ITGA11: variants seen among roughly 807,000 people sequenced by gnomAD.
ITGA11 encodes integrin subunit alpha 11, also known as integrin alpha-11.
Under a neutral mutation model 141.9 loss-of-function variants are expected in ITGA11, and 97 were observed. The observed-to-expected ratio is 0.68, with a 90% CI of 0.58 to 0.81. ITGA11 has a LOEUF of 0.81. ITGA11 is among the 30% of genes least tolerant of loss of function. ITGA11 has a pLI of 0.00. For missense variants in ITGA11, 1,387 were observed against 1,559.2 expected (o/e 0.89, Z 1.86); for synonymous variants, 658 against 624.6 (o/e 1.05, Z -0.80).
intron 3 of ITGA11, among the ~76,000 whole-genome samples, 199 bp downstream of exon 3, chr15:68,368,985 G>A (rs1319312508): frequency 6.6e-6 from 1 of 151,744 alleles, no homozygotes; most frequent in Non-Finnish European, 1.5e-5. Context: ...CTGGCAAGCT[G>A]TGTGACTGTG....
chr15:68,370,598 C>T (rs1895558444), intron 2 of ITGA11, among the ~76,000 whole-genome samples: 1 of 152,222 alleles, frequency 6.6e-6, no homozygotes, highest in Non-Finnish European at 1.5e-5. Context: ...GCTCAGGCCA[C>T]ATACTAACAG....
At chr15:68,360,842 C>G (rs1224212454) in intron 5 of ITGA11, among the ~76,000 whole-genome samples, 2 of 152,188 alleles carry the variant, frequency 1.3e-5, no homozygotes, top group African/African-American at 4.8e-5. Context: ...TCCTCCTCCT[C>G]CCTTCCCCAG....
chr15:68,332,330 A>G lies in ITGA11; in HGVS notation c.1566+8T>C, dbSNP rs951400525. 1 of 1,600,988 alleles carries G rather than the reference A, an allele frequency of 6.2e-7. No homozygotes were observed. On this transcript the variant is annotated splice_region_variant and intron_variant, in intron 13 of 29. Coordinates refer to ENST00000315757, the MANE Select transcript of ITGA11 (RefSeq NM_001004439.2). ...CTGAGAAGCTGCCCAGCCCCTGCCC[A>G]GCTGTACCTGTCTCAGCTCATAGAC...
intron 1 of ITGA11, among the ~76,000 whole-genome samples, chr15:68,405,033 C>A (rs1392117483): frequency 2.0e-5 from 3 of 152,180 alleles, no homozygotes; most frequent in African/African-American, 7.2e-5. Context: ...TGGACCCGCA[C>A]ACGAGTGCGC....
rs547522927 is a variant in ITGA11 at position 68,307,075 on chromosome 15, C to G, written c.3381+273G>C. Among the ~76,000 whole-genome samples the G allele has an allele frequency of 6.6e-6, 1 of 152,348 alleles. No homozygotes were observed. The highest frequency in any genetic ancestry group is 1.5e-5 in the Non-Finnish European group (1 of 68,032). On this transcript the variant is annotated intron_variant, in intron 28 of 29. Transcript: ENST00000315757. The surrounding 1 kb of genome is among the most constrained non-coding windows in gnomAD (Gnocchi z 6.1). ...TAACAATCTGCTTTTACGCAACTAA[C>G]AGAGGCTGATACCGAGGCATCTCCC...
Position 68,308,010 on chromosome 15 carries a change from A to G in ITGA11, c.3175-314T>C, listed in dbSNP as rs4777033. ...CCTATCACCATATAAACACATTAAG[A>G]TAAAAAATTCTATGATCGCTGCAAC... On this transcript the variant is annotated intron_variant, in intron 26 of 29. Coordinates refer to ENST00000315757, the MANE Select transcript of ITGA11 (RefSeq NM_001004439.2). The surrounding 1 kb of genome is among the most constrained non-coding windows in gnomAD (Gnocchi z 5.2). 0.67 allele frequency among the ~76,000 whole-genome samples: 101,846 copies of G among 152,084 alleles called. 34,555 individuals carry two copies. Among genetic ancestry groups the G allele is most frequent in the East Asian group, 0.93 (4,842 of 5,190 alleles).
Position 68,308,566 on chromosome 15 carries a change from C to T in ITGA11, c.3175-870G>A, listed in dbSNP as rs190652556. Among the ~76,000 whole-genome samples, 90 of 152,100 alleles carry T rather than the reference C, an allele frequency of 5.9e-4. No homozygotes were observed. Among genetic ancestry groups the T allele is most frequent in the African/African-American group, 2.1e-3 (87 of 41,474 alleles). ...ACCATCCTGGCTAACACAGTGAAAC[C>T]CCGTCTCTATTAAAAAAATACAAAA... On this transcript the variant is annotated intron_variant, in intron 26 of 29. Transcript: ENST00000315757. This position sits in a 1 kb window ranked among gnomAD's most constrained non-coding sequence, Gnocchi z 5.2.
intron 28 of ITGA11, among the ~76,000 whole-genome samples, chr15:68,306,501 C>G (rs1177767739): frequency 6.6e-6 from 1 of 152,234 alleles, no homozygotes; most frequent in Non-Finnish European, 1.5e-5. Context: ...TGCTCACCCC[C>G]AGACTGCACT....
intron 1 of ITGA11, among the ~76,000 whole-genome samples, chr15:68,412,564 T>C (rs908840692): frequency 6.6e-6 from 1 of 151,938 alleles, no homozygotes; most frequent in East Asian, 1.9e-4. Context: ...TTTCTCTCTT[T>C]CCAGTTGCTA....
At chr15:68,405,466 T>C (rs886460197) in intron 1 of ITGA11, among the ~76,000 whole-genome samples, 5 of 152,118 alleles carry the variant, frequency 3.3e-5, no homozygotes, top group Admixed American at 6.6e-5. Context: ...TCGTCACGAT[T>C]CCTAATCTCC....
intron 14 of ITGA11, 145 bp downstream of exon 14, chr15:68,331,714 G>A (rs1894162407): frequency 1.4e-6 from 1 of 718,614 alleles, no homozygotes; most frequent in Admixed American, 2.7e-5. Context: ...TCCACTTGGG[G>A]AAGCATGGCC....
In ITGA11 at chr15:68,363,594, G is replaced by T. The variant is rs114505221; in HGVS notation, c.357+1113C>A. Among the ~76,000 whole-genome samples, 431 of 152,236 alleles carry T rather than the reference G, an allele frequency of 2.8e-3. 4 individuals are homozygous for T. Among genetic ancestry groups the T allele is most frequent in the African/African-American group, 0.01 (419 of 41,512 alleles). On this transcript the variant is annotated intron_variant, in intron 4 of 29. Coordinates refer to ENST00000315757, the MANE Select transcript of ITGA11 (RefSeq NM_001004439.2). ...GATTCATGCCCCAGATGTCTCATTTGTCAGCAGAAATAGACCAGAACAAAG... is the reference window on the plus strand; with the variant it reads ...GATTCATGCCCCAGATGTCTCATTTTTCAGCAGAAATAGACCAGAACAAAG...
intron 1 of ITGA11, among the ~76,000 whole-genome samples, chr15:68,413,982 G>A (rs1418904946): frequency 6.6e-6 from 1 of 152,206 alleles, no homozygotes; most frequent in Non-Finnish European, 1.5e-5. Context: ...CCTGTACCAT[G>A]GAGACTTGGC....
chr15:68,422,685 C>G (rs1471517805), intron 1 of ITGA11, among the ~76,000 whole-genome samples: 1 of 152,146 alleles, frequency 6.6e-6, no homozygotes, highest in Non-Finnish European at 1.5e-5. Context: ...GCCCACTGTT[C>G]TGTTCTTACC....
intron 3 of ITGA11, among the ~76,000 whole-genome samples, chr15:68,367,358 G>C (rs765717365): frequency 1.4e-4 from 22 of 152,148 alleles, no homozygotes; most frequent in Non-Finnish European, 2.6e-4. Context: ...CATTGCCTCT[G>C]TCCCAACCAC....
In ITGA11 at chr15:68,297,614, C is replaced by G. The variant is rs1001587093; in HGVS notation, c.*5445G>C. On this transcript the variant is annotated 3_prime_UTR_variant, in exon 30 of 30. Transcript: ENST00000315757. ...AAATATTAATGTTTTTACAAAAGCA[C>G]TGTAATGGTTTTTTTTGTTTTTAAA... 6.6e-6 allele frequency: 1 copy of G among 151,502 alleles called. No individual in the cohort carries two copies. The highest frequency in any genetic ancestry group is 6.6e-5 in the Admixed American group (1 of 15,216). 9.4% of individuals were successfully genotyped at this position (151,502 alleles called of 1,614,324 possible). A position where few individuals can be genotyped will look rare whatever the true frequency, so the allele number is the denominator to read the frequency against.
At chr15:68,387,039 G>A (rs1215354072) in intron 2 of ITGA11, among the ~76,000 whole-genome samples, 1 of 152,130 alleles carries the variant, frequency 6.6e-6, no homozygotes, top group African/African-American at 2.4e-5. Flanking sequence ...GGGGAGGAGG[G>A]GATGAGGGGG....
chr15:68,429,080 T>G (rs1897210963), intron 1 of ITGA11, among the ~76,000 whole-genome samples: 1 of 152,248 alleles, frequency 6.6e-6, no homozygotes, highest in Non-Finnish European at 1.5e-5. Context: ...TGAGTGCTAC[T>G]GCTGCTGCTG....
At chr15:68,389,636 T>C (rs1470830729) in intron 2 of ITGA11, among the ~76,000 whole-genome samples, 1 of 152,266 alleles carries the variant, frequency 6.6e-6, no homozygotes, top group Non-Finnish European at 1.5e-5. Context: ...TCTGTACACC[T>C]GTACCCAGGG....
Sources: allele counts gnomAD v4.1 joint callset (sites outside exome capture counted in the v4.1 genomes callset), GRCh38; gene constraint gnomAD v4.1.1; non-coding constraint Gnocchi (gnomAD v3.1); transcripts MANE v1.5; gene names NCBI Gene and HGNC (gene_info 2026-07-23, HGNC 2026-07-21).